CSF2RB: variants seen among roughly 807,000 people sequenced by gnomAD.
The protein encoded by CSF2RB is colony stimulating factor 2 receptor subunit beta, also known as cytokine receptor common subunit beta.
CSF2RB carries 22 observed loss-of-function variants against 67.2 expected under a neutral mutation model. The observed-to-expected ratio is 0.33, with a 90% CI of 0.23 to 0.47. CSF2RB has a LOEUF of 0.47. Among genes scored for constraint, CSF2RB ranks in the 20% least tolerant of loss-of-function variants. The pLI is 1.00. For synonymous variants in CSF2RB, 507 were observed against 482.9 expected (o/e 1.05, Z -0.65); for missense variants, 1,113 against 1,174.5 (o/e 0.95, Z 0.76).
At position 36,937,517 on chromosome 22, in the gene CSF2RB, A is replaced by G. The variant is rs748255680; in HGVS notation, c.1709A>G (p.Gln570Arg). ...CCCACAGAGCAGCCCCCCAGCCCCCAGCCAGGCCCGCCTGCCGCCTCCCAC... is the reference window on the plus strand; with the variant it reads ...CCCACAGAGCAGCCCCCCAGCCCCCGGCCAGGCCCGCCTGCCGCCTCCCAC... ...DLPTEQPPSP[Q>R]PGPPAASHTP... The change falls in exon 14 of 14, where the codon CAG (glutamine) becomes CGG (arginine). Residue 570 changes from glutamine to arginine, a missense_variant. Around this residue, in one of 2 missense-constraint regions of CSF2RB, gnomAD observed 554 missense variants for 517.9 expected, o/e 1.07. Transcript: ENST00000403662. The surrounding 1 kb of genome is among the most constrained non-coding windows in gnomAD (Gnocchi z 4.6). 6.2e-7 allele frequency: 1 copy of G among 1,613,730 alleles called. No individual in the cohort carries two copies. Among genetic ancestry groups the G allele is most frequent in the Non-Finnish European group, 8.5e-7 (1 of 1,179,908 alleles).
chr22:36,935,075 T>C (rs983833263), intron 10 of CSF2RB, among the ~76,000 whole-genome samples: 2 of 152,160 alleles, frequency 1.3e-5, no homozygotes, highest in Non-Finnish European at 2.9e-5. Context: ...CAGTGGTTCT[T>C]GCCCTCCCTG....
chr22:36,935,556 C>T, intron 11 of CSF2RB, 74 bp from the exon 12 acceptor site: 5 of 1,609,900 alleles, frequency 3.1e-6, no homozygotes, highest in Non-Finnish European at 4.2e-6. Context: ...GCCTCAGTTT[C>T]CCCTCTGGGC....
rs1941217164 is a variant in CSF2RB at position 36,934,012 on chromosome 22, T to TCCAG, written c.1315+19_1315+22dup. 1.2e-6 allele frequency: 2 copies of TCCAG among 1,610,184 alleles called. No individual in the cohort carries two copies. The highest frequency in any genetic ancestry group is 2.2e-5 in the South Asian group (2 of 91,012). On this transcript the variant is annotated intron_variant, in intron 10 of 13. Transcript: ENST00000403662. ...CGAGTCGGGTAGGTGAAGGCTGGAG[T>TCCAG]CCAGAGCTTCTGGCCAGGACCAGCT...
chr22:36,934,793 C>G (rs1046606829), intron 10 of CSF2RB, among the ~76,000 whole-genome samples: 1 of 152,124 alleles, frequency 6.6e-6, no homozygotes, highest in Non-Finnish European at 1.5e-5. Context: ...GGCTTGGTAG[C>G]GGCAGGGGCC....
In CSF2RB at chr22:36,939,279, G is replaced by C. The variant is rs1464763117; in HGVS notation, c.*777G>C. The C allele has an allele frequency of 2.8e-6, 2 of 701,952 alleles. No individual in the cohort carries two copies. The highest frequency in any genetic ancestry group is 3.5e-5 in the African/African-American group (2 of 57,256). 43.5% of individuals were successfully genotyped at this position (701,952 alleles called of 1,614,324 possible). ...AGTTAACGGCCCAAGTGGTGGGCAGGCTGGCGGGACCTGGGGAACATCAGG... is the reference window on the plus strand; with the variant it reads ...AGTTAACGGCCCAAGTGGTGGGCAGCCTGGCGGGACCTGGGGAACATCAGG... On this transcript the variant is annotated 3_prime_UTR_variant, in exon 14 of 14. Transcript: ENST00000403662.
intron 11 of CSF2RB, 46 bp downstream of exon 11, chr22:36,935,487 G>C: frequency 1.2e-6 from 2 of 1,609,056 alleles, no homozygotes. Context: ...AGACCCCAGA[G>C]GGCACTGGGG....
intron 3 of CSF2RB, among the ~76,000 whole-genome samples, chr22:36,925,560 C>T (rs567301204): frequency 1.5e-4 from 23 of 152,262 alleles, no homozygotes; most frequent in African/African-American, 3.4e-4. Flanking sequence ...GGCCAAGCCA[C>T]GCAGCACACC....
chr22:36,925,883 C>G (rs1296110851), intron 3 of CSF2RB, 104 bp from the exon 4 acceptor site: 2 of 1,276,774 alleles, frequency 1.6e-6, no homozygotes, highest in East Asian at 4.9e-5. Flanking sequence ...CACTGCTGGC[C>G]CCTGATTCTG....
At chr22:36,926,287 T>C in intron 4 of CSF2RB, 110 bp downstream of exon 4, 2 of 1,134,538 alleles carry the variant, frequency 1.8e-6, no homozygotes, top group Non-Finnish European at 2.6e-6. Flanking sequence ...TGGGGTTGGG[T>C]GAGGGTTTCT....
rs2145828734 is a variant in CSF2RB at position 36,938,229 on chromosome 22, C to T, written c.2421C>T (p.Ser807=). The T allele has an allele frequency of 1.2e-6, 2 of 1,614,186 alleles. No homozygotes were observed. Among genetic ancestry groups the T allele is most frequent in the Non-Finnish European group, 1.7e-6 (2 of 1,180,014 alleles). Residue 807 remains serine, a synonymous_variant, in exon 14 of 14, where the codon TCC becomes TCT. Transcript: ENST00000403662. ...GCCCGGCAGATGTGTCCCCAACATC[C>T]CCACAGCCCGAGGGCCTCCTTGTCC... ...GERPADVSPT[S]PQPEGLLVLQ... is the part of the protein sequence containing the mutation.
chr22:36,923,455 T>G, intron 3 of CSF2RB, 88 bp downstream of exon 3: 1 of 1,549,656 alleles, frequency 6.5e-7, no homozygotes, highest in African/African-American at 1.4e-5. Flanking sequence ...GAGGGACCTG[T>G]CAGGTCAGCC....
intron 4 of CSF2RB, among the ~76,000 whole-genome samples, chr22:36,928,089 G>A (rs1018474258): frequency 5.3e-5 from 8 of 152,152 alleles, no homozygotes; most frequent in African/African-American, 1.7e-4. Context: ...GTTGAGTAGC[G>A]AGGTAGGGTC....
chr22:36,916,513 T>G (rs1940716412), intron 1 of CSF2RB, among the ~76,000 whole-genome samples: 1 of 152,242 alleles, frequency 6.6e-6, no homozygotes, highest in Non-Finnish European at 1.5e-5. Flanking sequence ...CCTTATTATT[T>G]TTCTAACGAA....
At chr22:36,916,426 C>T (rs1350198332) in intron 1 of CSF2RB, among the ~76,000 whole-genome samples, 9 of 152,170 alleles carry the variant, frequency 5.9e-5, no homozygotes, top group Admixed American at 5.9e-4. Flanking sequence ...TGAAGTGCCC[C>T]TATTACATCC....
At chr22:36,921,061 AGTGT>A (rs1325403551) in intron 1 of CSF2RB, among the ~76,000 whole-genome samples, 2 of 149,678 alleles carry the variant, frequency 1.3e-5, no homozygotes, top group Non-Finnish European at 3.0e-5. Context: ...GGTATATGCG[AGTGT>A]GTATGTGTGT....
At chr22:36,923,179 G>GAT in intron 2 of CSF2RB, 65 bp from the exon 3 acceptor site, 1 of 1,612,600 alleles carries the variant, frequency 6.2e-7, no homozygotes, top group Middle Eastern at 1.7e-4. Flanking sequence ...CAAAGCAGCT[G>GAT]GGGGTGATGG....
At chr22:36,925,878 C>A in intron 3 of CSF2RB, 109 bp from the exon 4 acceptor site, 3 of 1,238,068 alleles carry the variant, frequency 2.4e-6, no homozygotes, top group Non-Finnish European at 3.5e-6. Context: ...TTTATCACTG[C>A]TGGCCCCTGA....
intron 1 of CSF2RB, among the ~76,000 whole-genome samples, chr22:36,916,329 T>G (rs544719869): frequency 7.9e-5 from 12 of 152,352 alleles, no homozygotes; most frequent in African/African-American, 2.9e-4. Flanking sequence ...GTGAGTAATG[T>G]GTAAAGTAAC....
rs1941251726 is a variant in CSF2RB, at chr22:36,935,684, C to A, written c.1461C>A (p.Phe487Leu). ...KIPNPSKSHL[F>L]QNGSAELWPP... ...CCAACCCCAGCAAGAGCCACCTGTT[C>A]CAGGTAGGAACTGGCTGCGAGGGGC... is the stretch of plus-strand genomic sequence containing the variant. The change falls in exon 12 of 14, where the codon TTC becomes TTA. Residue 487 changes from phenylalanine (F) to leucine (L), a missense_variant. Around this residue, in one of 2 missense-constraint regions of CSF2RB, gnomAD observed 559 missense variants for 656.5 expected, o/e 0.85. Coordinates refer to ENST00000403662, the MANE Select transcript of CSF2RB (RefSeq NM_000395.3). 1 of 1,613,918 alleles carries A rather than the reference C, an allele frequency of 6.2e-7. No homozygotes were observed. Among genetic ancestry groups the A allele is most frequent in the Non-Finnish European group, 8.5e-7 (1 of 1,180,006 alleles).
Sources: allele counts gnomAD v4.1 joint callset (sites outside exome capture counted in the v4.1 genomes callset), GRCh38; gene constraint gnomAD v4.1.1; regional missense constraint gnomAD v4.1.1; non-coding constraint Gnocchi (gnomAD v3.1); transcripts MANE v1.5; gene names NCBI Gene and HGNC (gene_info 2026-07-23, HGNC 2026-07-21).